The following TTC7A variants were observed in gnomAD, a reference collection of about 807,000 sequenced individuals.
TTC7A encodes tetratricopeptide repeat domain 7A, also known as tetratricopeptide repeat protein 7A.
In TTC7A, 110 loss-of-function variants were observed where a neutral mutation model predicts 103.7. The observed-to-expected ratio is 1.06, with a 90% CI of 0.91 to 1.24. The LOEUF (loss-of-function observed/expected upper bound fraction) is 1.24. Ranked by LOEUF, TTC7A falls within the 50% of genes most tolerant of loss-of-function variation. The probability of loss-of-function intolerance (pLI) is 0.00; values close to 1 mark genes in which losing one functional copy is unlikely to be tolerated. For missense variants in TTC7A, 1,340 were observed against 1,116.3 expected (o/e 1.20, Z -2.86); for synonymous variants, 521 against 467.9 (o/e 1.11, Z -1.47).
intron 11 of TTC7A, 134 bp downstream of exon 11, chr2:47,011,569 C>G: frequency 1.5e-6 from 1 of 680,798 alleles, no homozygotes; most frequent in Non-Finnish European, 2.4e-6. Flanking sequence ...GGCAGATGGG[C>G]CTGGGCAGGG....
intron 10 of TTC7A, among the ~76,000 whole-genome samples, chr2:47,010,660 C>G (rs991936243): frequency 6.6e-6 from 1 of 152,106 alleles, no homozygotes; most frequent in East Asian, 1.9e-4. Flanking sequence ...GACCCCCAAC[C>G]CCGCCATTGG....
intron 1 of TTC7A, among the ~76,000 whole-genome samples, chr2:46,945,528 G>T (rs748741246): frequency 2.6e-5 from 4 of 152,206 alleles, no homozygotes; most frequent in Non-Finnish European, 5.9e-5. Context: ...GATTACGGGC[G>T]TGAGCCACCG....
chr2:46,928,460 A>T (rs761493714), intron 2 of TTC7A, among the ~76,000 whole-genome samples: 2,842 of 71,314 alleles, frequency 0.04, 32 homozygotes, highest in Non-Finnish European at 0.047. Flanking sequence ...AAGGGAAATT[A>T]AAAAAAAAAA....
chr2:46,941,721 C>T lies in TTC7A; in HGVS notation c.180C>T (p.Asp60=). 6.5e-7 allele frequency: 1 copy of T among 1,549,998 alleles called. No individual in the cohort carries two copies. The highest frequency in any genetic ancestry group is 1.2e-5 in the South Asian group (1 of 84,046). ...GSPSAAFTFP[D]TDDFGKLLLA... ...CGAGCGCAGCGTTCACCTTTCCGGA[C>T]ACCGGTGAGTAAGGGAAGAGGCTGG... Residue 60 remains aspartate, a synonymous_variant, in exon 1 of 20, where the codon GAC becomes GAT. Transcript: ENST00000319190. This position sits in a 1 kb window ranked among gnomAD's most constrained non-coding sequence, Gnocchi z 4.2.
At chr2:46,927,874 T>G (rs1476622174) in intron 2 of TTC7A, among the ~76,000 whole-genome samples, 1 of 148,914 alleles carries the variant, frequency 6.7e-6, no homozygotes, top group African/African-American at 2.5e-5. Context: ...AATATTGGGG[T>G]TTTTTTGGTG....
At chr2:47,006,787 A>G in intron 10 of TTC7A, 63 bp downstream of exon 10, 1 of 1,353,306 alleles carries the variant, frequency 7.4e-7, no homozygotes, top group South Asian at 1.2e-5. Context: ...TGAGATGGAC[A>G]GAGGGGCTTT....
chr2:46,917,150 C>A, intron 1 of TTC7A: 1 of 700,732 alleles, frequency 1.4e-6, no homozygotes, highest in Non-Finnish European at 2.6e-6. Flanking sequence ...GAGAAAAATC[C>A]CATAATCCCT....
At chr2:46,935,184 C>G (rs932130703) in intron 2 of TTC7A, among the ~76,000 whole-genome samples, 26 of 152,102 alleles carry the variant, frequency 1.7e-4, no homozygotes, top group African/African-American at 6.3e-4. Context: ...AGGCTTGTCC[C>G]TGCTGGAAAA....
intron 19 of TTC7A, among the ~76,000 whole-genome samples, chr2:47,066,545 C>T (rs10174635): frequency 0.064 from 9,767 of 152,196 alleles, 1,049 homozygotes; most frequent in African/African-American, 0.22. Flanking sequence ...CCTCCGCCTG[C>T]TGGCTGGCCC....
intron 18 of TTC7A, among the ~76,000 whole-genome samples, chr2:47,058,603 A>G (rs1367126869): frequency 1.3e-5 from 2 of 152,202 alleles, no homozygotes; most frequent in African/African-American, 2.4e-5. Context: ...TGGCAAAACC[A>G]CAAGTCAGAC....
intron 8 of TTC7A, among the ~76,000 whole-genome samples, chr2:47,005,289 A>G (rs1451858755): frequency 6.6e-6 from 1 of 152,180 alleles, no homozygotes; most frequent in Non-Finnish European, 1.5e-5. Flanking sequence ...GAAGAGGAAG[A>G]GAAGAGGGCA....
chr2:47,068,194 A>G (rs1684340946), intron 19 of TTC7A: 2 of 152,052 alleles, frequency 1.3e-5, no homozygotes, highest in Non-Finnish European at 2.9e-5. Context: ...AGGAGGAAGG[A>G]TGTGCCGAGC....
In TTC7A at chr2:47,006,629, TC is replaced by T. The variant is rs1195770703; in HGVS notation, c.1204-8del. The T allele has an allele frequency of 6.2e-7, 1 of 1,612,202 alleles. No homozygotes were observed. The highest frequency in any genetic ancestry group is 8.5e-7 in the Non-Finnish European group (1 of 1,178,268). ...CCCTGGTGGGTAAATGCTGACTATC[TC>T]CCCTCCCCAGTGCCTGGAGCGAGCC... On this transcript the variant is annotated splice_polypyrimidine_tract_variant and intron_variant, in intron 9 of 19. Transcript: ENST00000319190.
chr2:46,967,638 C>T (rs1465569956), intron 3 of TTC7A, among the ~76,000 whole-genome samples: 1 of 152,046 alleles, frequency 6.6e-6, no homozygotes, highest in Non-Finnish European at 1.5e-5. Flanking sequence ...GTATATGTGG[C>T]ATTTTGTTTA....
At chr2:47,018,602 C>T (rs1285196897) in intron 11 of TTC7A, among the ~76,000 whole-genome samples, 2 of 146,166 alleles carry the variant, frequency 1.4e-5, no homozygotes, top group South Asian at 2.2e-4. Flanking sequence ...AAAAAAAAAG[C>T]TTATATTATT....
intron 15 of TTC7A, among the ~76,000 whole-genome samples, chr2:47,041,190 G>C (rs1159261656): frequency 6.6e-6 from 1 of 152,166 alleles, no homozygotes; most frequent in Non-Finnish European, 1.5e-5. Flanking sequence ...TGGACAGTTT[G>C]GAATGGAATT....
In TTC7A at chr2:46,941,866, G is replaced by GT; in HGVS notation, c.184+143dup. On this transcript the variant is annotated intron_variant, in intron 1 of 19. Transcript: ENST00000319190. This position sits in a 1 kb window ranked among gnomAD's most constrained non-coding sequence, Gnocchi z 4.2. ...GCTAGTCTTAAGAGCAGCCAGGGCA[G>GT]TTAGGAAGGTCCTTCTGCCGCGAGA... 1.9e-6 allele frequency: 2 copies of GT among 1,050,466 alleles called. No individual in the cohort carries two copies. Among genetic ancestry groups the GT allele is most frequent in the Non-Finnish European group, 2.7e-6 (2 of 729,530 alleles). 65.1% of individuals were successfully genotyped at this position (1,050,466 alleles called of 1,614,324 possible).
intron 19 of TTC7A, among the ~76,000 whole-genome samples, chr2:47,073,095 C>T (rs956076682): frequency 6.6e-6 from 1 of 152,174 alleles, no homozygotes; most frequent in Admixed American, 6.5e-5. Flanking sequence ...CCTCCCATGA[C>T]CCTCTCCTGA....
At chr2:46,937,669 C>T (rs1448145091), upstream of TTC7A, among the ~76,000 whole-genome samples, 1 of 152,158 alleles carries the variant, frequency 6.6e-6, no homozygotes, top group Admixed American at 6.6e-5. This position sits in a 1 kb window ranked among gnomAD's most constrained non-coding sequence, Gnocchi z 4.0. Flanking sequence ...AATTCCTGGA[C>T]TCAAGTGATT....
Sources: allele counts gnomAD v4.1 joint callset (sites outside exome capture counted in the v4.1 genomes callset), GRCh38; gene constraint gnomAD v4.1.1; non-coding constraint Gnocchi (gnomAD v3.1); transcripts MANE v1.5; gene names NCBI Gene and HGNC (gene_info 2026-07-23, HGNC 2026-07-21).